Variants in LIMK2 observed in about 807,000 individuals in gnomAD.
LIMK2 encodes LIM domain kinase 2.
Under a neutral mutation model 75.7 loss-of-function variants are expected in LIMK2, and 35 were observed. The observed-to-expected ratio is 0.46, with a 90% CI of 0.35 to 0.61. The LOEUF (loss-of-function observed/expected upper bound fraction) is 0.61. Among genes scored for constraint, LIMK2 ranks in the 20% least tolerant of loss-of-function variants. LIMK2 has a pLI of 0.00. For synonymous variants in LIMK2, 301 were observed against 319.2 expected (o/e 0.94, Z 0.61); for missense variants, 623 against 831.0 (o/e 0.75, Z 3.08).
At chr22:31,215,808 T>TA (rs1166327455) in intron 1 of LIMK2, among the ~76,000 whole-genome samples, 3 of 151,842 alleles carry the variant, frequency 2.0e-5, no homozygotes, top group Admixed American at 6.6e-5. Context: ...CCCCATCTCT[T>TA]AAAAAAAAGA....
At chr22:31,231,912 G>T (rs1277365993) in intron 2 of LIMK2, among the ~76,000 whole-genome samples, 2 of 152,042 alleles carry the variant, frequency 1.3e-5, no homozygotes, top group Admixed American at 6.5e-5. Context: ...AACCTCCTGA[G>T]CTCAAGCAAT....
Position 31,212,438 on chromosome 22 carries a change from G to A in LIMK2, c.16+14G>A. 2 of 1,328,200 alleles carry A rather than the reference G, an allele frequency of 1.5e-6. No individual in the cohort carries two copies. The highest frequency in any genetic ancestry group is 1.9e-6 in the Non-Finnish European group (2 of 1,029,004). 82.3% of individuals were successfully genotyped at this position (1,328,200 alleles called of 1,614,324 possible). A position where few individuals can be genotyped will look rare whatever the true frequency, so the allele number is the denominator to read the frequency against. On this transcript the variant is annotated intron_variant, in intron 1 of 15. Coordinates refer to ENST00000331728, the MANE Select transcript of LIMK2 (RefSeq NM_005569.4). Reference sequence around the variant, plus strand: ...CCGCGCTGGCGGGTAAGGAAGGGCTGCTCCGCCCTGTCCCGCTGTTATCTC... The same window carrying A: ...CCGCGCTGGCGGGTAAGGAAGGGCTACTCCGCCCTGTCCCGCTGTTATCTC...
chr22:31,271,082 C>A, intron 11 of LIMK2, 54 bp from the exon 12 acceptor site: 2 of 1,518,104 alleles, frequency 1.3e-6, no homozygotes, highest in South Asian at 1.1e-5. Flanking sequence ...ATTCCAGATT[C>A]AGGGTCTAGT....
chr22:31,237,534 A>T (rs2048589572), intron 2 of LIMK2, among the ~76,000 whole-genome samples: 1 of 151,664 alleles, frequency 6.6e-6, no homozygotes, highest in Non-Finnish European at 1.5e-5. Flanking sequence ...ACTGCCCTCC[A>T]GTAGAGTGAG....
chr22:31,262,681 G>T lies in LIMK2; in HGVS notation c.744G>T (p.Arg248=), dbSNP rs746180454. The change falls in exon 7 of 16, where the codon CGG becomes CGT. Residue 248 remains arginine (R), a synonymous_variant. Transcript: ENST00000331728. The surrounding 1 kb of genome is among the most constrained non-coding windows in gnomAD (Gnocchi z 5.0). ...DPVSQRLDQL[R]LEARLAPHMQ... is the part of the protein sequence containing the mutation. ...TCTCCCAACGCCTGGACCAGCTGCG[G>T]CTGGAGGCCCGGCTCGCTCCTCACA... The T allele has an allele frequency of 3.7e-6, 6 of 1,614,082 alleles. No individual in the cohort carries two copies. In the African/African-American group the frequency reaches 8.0e-5, roughly 22 times the overall value.
At chr22:31,264,082 T>A (rs902520452) in intron 7 of LIMK2, among the ~76,000 whole-genome samples, 25 of 152,276 alleles carry the variant, frequency 1.6e-4, no homozygotes, top group African/African-American at 6.0e-4. Context: ...TTGGAAACAG[T>A]GCCCTCTCAT....
chr22:31,262,330 C>G lies in LIMK2; in HGVS notation c.657+91C>G, dbSNP rs1473484255. ...CTGTAGCCTTTACCTTTTCCTACCC[C>G]CAGCCCATCTCTTTGTCTTAGCATT... On this transcript the variant is annotated intron_variant, in intron 6 of 15. Transcript: ENST00000331728. The surrounding 1 kb of genome is among the most constrained non-coding windows in gnomAD (Gnocchi z 5.0). The G allele has an allele frequency of 1.9e-6, 2 of 1,058,708 alleles. No homozygotes were observed. Among genetic ancestry groups the G allele is most frequent in the South Asian group, 1.3e-5 (1 of 76,472 alleles). 65.6% of individuals were successfully genotyped at this position (1,058,708 alleles called of 1,614,324 possible).
chr22:31,228,021 C>CGTGTGTGTGTGTGT (rs66641491), intron 2 of LIMK2, among the ~76,000 whole-genome samples: 13 of 147,632 alleles, frequency 8.8e-5, no homozygotes, highest in East Asian at 4.0e-4. Context: ...TCTGTGCGTG[C>CGTGTGTGTGTGTGT]GTGTGTGTGT....
chr22:31,250,652 C>T (rs1243377225), intron 2 of LIMK2, among the ~76,000 whole-genome samples: 1 of 152,228 alleles, frequency 6.6e-6, no homozygotes, highest in Non-Finnish European at 1.5e-5. Flanking sequence ...GCTCTTTCCC[C>T]CCAGGGAGGG....
chr22:31,237,260 C>CAA (rs1349737616), intron 2 of LIMK2, among the ~76,000 whole-genome samples: 7 of 61,956 alleles, frequency 1.1e-4, no homozygotes, highest in Non-Finnish European at 1.3e-4. Context: ...GACTCTGTCT[C>CAA]AAAAAAAAAA....
chr22:31,241,377 C>T (rs557304074), intron 2 of LIMK2, among the ~76,000 whole-genome samples: 3 of 152,286 alleles, frequency 2.0e-5, no homozygotes, highest in African/African-American at 7.2e-5. Context: ...AACCTTAGTT[C>T]CCTCAGGAAC....
chr22:31,225,847 C>T, intron 2 of LIMK2, 28 bp downstream of exon 2: 1 of 1,504,360 alleles, frequency 6.6e-7, no homozygotes, highest in Non-Finnish European at 9.2e-7. Flanking sequence ...CCCATCTTTA[C>T]CAGTGTACTA....
intron 1 of LIMK2, among the ~76,000 whole-genome samples, chr22:31,213,348 C>G (rs937120285): frequency 6.0e-5 from 3 of 50,006 alleles, no homozygotes; most frequent in African/African-American, 8.9e-5. Flanking sequence ...TTCCCAGCCA[C>G]CTGTGTGGGT....
chr22:31,220,821 G>C (rs986846568), intron 1 of LIMK2, among the ~76,000 whole-genome samples: 6 of 152,158 alleles, frequency 3.9e-5, no homozygotes, highest in Non-Finnish European at 7.4e-5. Context: ...AATTAGCCGG[G>C]CGTCGTGGCG....
At chr22:31,244,451 C>A (rs1394852431) in intron 2 of LIMK2, among the ~76,000 whole-genome samples, 1 of 152,146 alleles carries the variant, frequency 6.6e-6, no homozygotes, top group African/African-American at 2.4e-5. Context: ...TTGCTCCCAG[C>A]TCTCCAGCTG....
chr22:31,247,874 A>T (rs2048685300), intron 2 of LIMK2, among the ~76,000 whole-genome samples: 1 of 152,000 alleles, frequency 6.6e-6, no homozygotes, highest in African/African-American at 2.4e-5. Context: ...GGCACCTCCC[A>T]TTGGTCAGCT....
chr22:31,264,363 G>A (rs148154638), intron 7 of LIMK2, among the ~76,000 whole-genome samples: 2,466 of 152,296 alleles, frequency 0.016, 26 homozygotes, highest in Middle Eastern at 0.031. Flanking sequence ...GCCATCCAGC[G>A]TCAGTCCTCT....
chr22:31,231,463 A>G (rs1457871493), intron 2 of LIMK2, among the ~76,000 whole-genome samples: 1 of 152,210 alleles, frequency 6.6e-6, no homozygotes, highest in Non-Finnish European at 1.5e-5. Flanking sequence ...TTTAGGAAAC[A>G]GCCAGCCCGT....
intron 15 of LIMK2, chr22:31,277,555 T>C: frequency 1.0e-6 from 1 of 998,258 alleles, no homozygotes; most frequent in Non-Finnish European, 1.2e-6. Context: ...GAGGAGAAAT[T>C]GTGAAGCTAC....
Sources: allele counts gnomAD v4.1 joint callset (sites outside exome capture counted in the v4.1 genomes callset), GRCh38; gene constraint gnomAD v4.1.1; non-coding constraint Gnocchi (gnomAD v3.1); transcripts MANE v1.5; gene names NCBI Gene and HGNC (gene_info 2026-07-23, HGNC 2026-07-21).